GFRA2: variants seen among roughly 807,000 people sequenced by gnomAD.
The protein encoded by GFRA2 is GDNF family receptor alpha-2.
A neutral mutation model predicts 48.3 loss-of-function variants in GFRA2; 17 were observed. The ratio of observed to expected loss-of-function variants is 0.35; its 90% CI spans 0.24 to 0.53. The LOEUF is 0.53. Among genes scored for constraint, GFRA2 ranks in the 20% least tolerant of loss-of-function variants. The pLI is 0.93. For synonymous variants in GFRA2, 305 were observed against 257.2 expected (o/e 1.19, Z -1.78); for missense variants, 660 against 637.3 (o/e 1.04, Z -0.38).
At chr8:21,747,661 C>A in intron 4 of GFRA2, among the ~76,000 whole-genome samples, 1 of 151,806 alleles carries the variant, frequency 6.6e-6, no homozygotes, top group East Asian at 1.9e-4. Flanking sequence ...CGGTCCCTGG[C>A]CCTGGCCCTG....
intron 4 of GFRA2, among the ~76,000 whole-genome samples, chr8:21,713,013 G>C (rs2117406262): frequency 6.6e-6 from 1 of 150,560 alleles, no homozygotes. Context: ...GGGAGAGGGA[G>C]ACGAGGGAGA....
chr8:21,727,372 A>T (rs548967766), intron 4 of GFRA2, among the ~76,000 whole-genome samples: 1 of 152,224 alleles, frequency 6.6e-6, no homozygotes, highest in African/African-American at 2.4e-5. Context: ...GTGTAAGAAC[A>T]GAGGATTGGG....
At position 21,692,041 on chromosome 8, in the gene GFRA2, A is replaced by G. The variant is rs1801901348; in HGVS notation, c.*1237T>C. The G allele has an allele frequency of 6.6e-6, 1 of 152,652 alleles. No individual in the cohort carries two copies. The highest frequency in any genetic ancestry group is 1.5e-5 in the Non-Finnish European group (1 of 68,054). 9.5% of individuals were successfully genotyped at this position (152,652 alleles called of 1,614,324 possible). A position where few individuals can be genotyped will look rare whatever the true frequency, so the allele number is the denominator to read the frequency against. On this transcript the variant is annotated 3_prime_UTR_variant, in exon 9 of 9. Coordinates refer to ENST00000524240, the MANE Select transcript of GFRA2 (RefSeq NM_001495.5). ...GCTTGCTTCCTAGCACGTTTATTGG[A>G]GCCTTGGTTAAGCTTGGATGCGGAT...
Position 21,788,386 on chromosome 8 carries a change from C to G in GFRA2, c.-227G>C. On this transcript the variant is annotated 5_prime_UTR_variant, in exon 1 of 9. Transcript: ENST00000524240. ...TGGGCTGCTGCCTCTCGACGCCCCCCTTGCCCGCTACAATCAAATATACGC... is the reference window on the plus strand; with the variant it reads ...TGGGCTGCTGCCTCTCGACGCCCCCGTTGCCCGCTACAATCAAATATACGC... 7.5e-7 allele frequency: 1 copy of G among 1,336,482 alleles called. No individual in the cohort carries two copies. The allele number at this position is 1,336,482 out of a possible 1,614,324, so 82.8% of individuals were successfully genotyped here.
intron 1 of GFRA2, among the ~76,000 whole-genome samples, chr8:21,784,480 C>T (rs879226172): frequency 2.0e-5 from 3 of 152,202 alleles, no homozygotes; most frequent in African/African-American, 4.8e-5. Context: ...GGCCATCCCC[C>T]GGGAGGCCCT....
intron 3 of GFRA2, among the ~76,000 whole-genome samples, chr8:21,762,340 G>T (rs745396959): frequency 2.0e-5 from 3 of 152,254 alleles, no homozygotes; most frequent in Non-Finnish European, 4.4e-5. Flanking sequence ...GTCAATCAAA[G>T]CCCAAGGATC....
At chr8:21,709,590 T>C (rs192430631) in intron 4 of GFRA2, among the ~76,000 whole-genome samples, 6 of 152,262 alleles carry the variant, frequency 3.9e-5, no homozygotes, top group Non-Finnish European at 7.4e-5. Context: ...GCCGGGGTAG[T>C]GTGCCTGGGG....
At chr8:21,693,733 A>G (rs546453600) in intron 8 of GFRA2, among the ~76,000 whole-genome samples, 5 of 5,808 alleles carry the variant, frequency 8.6e-4, no homozygotes, top group Admixed American at 3.9e-3. Flanking sequence ...CAGATGGTAT[A>G]AAGAGCTGAA....
chr8:21,752,915 C>T (rs374943685), intron 3 of GFRA2, among the ~76,000 whole-genome samples: 3 of 152,174 alleles, frequency 2.0e-5, no homozygotes, highest in East Asian at 1.9e-4. Flanking sequence ...TTCTCACCAC[C>T]GCCACTGCTG....
intron 2 of GFRA2, among the ~76,000 whole-genome samples, chr8:21,801,830 C>G (rs1293264336): frequency 6.6e-6 from 1 of 152,196 alleles, no homozygotes; most frequent in Non-Finnish European, 1.5e-5. Context: ...CAGCCCTCGC[C>G]AAACTGTCCA....
chr8:21,720,551 A>G (rs1803545104), intron 4 of GFRA2, among the ~76,000 whole-genome samples: 1 of 152,062 alleles, frequency 6.6e-6, no homozygotes, highest in African/African-American at 2.4e-5. Flanking sequence ...CCTGATCCCC[A>G]TCCATGATCA....
rs935935020 is a variant in GFRA2 at position 21,775,004 on chromosome 8, G to A, written c.407C>T (p.Ser136Leu). The A allele has an allele frequency of 1.3e-5, 21 of 1,605,134 alleles. No homozygotes were observed. Among genetic ancestry groups the A allele is most frequent in the Middle Eastern group, 1.7e-4 (1 of 6,038 alleles). Residue 136 changes from serine to leucine, a missense_variant, in exon 3 of 9, where the codon TCG becomes TTG. Coordinates refer to ENST00000524240, the MANE Select transcript of GFRA2 (RefSeq NM_001495.5). ...GATTGAAGCAAGCCTGAAGATGTCC[G>A]AGAGGCGGGAGGTCACCGGCTCATA... is the stretch of plus-strand genomic sequence containing the variant. Reference protein sequence around the residue: ...SPYEPVTSRLSDIFRLASIFS... With the variant: ...SPYEPVTSRLLDIFRLASIFS...
intron 2 of GFRA2, among the ~76,000 whole-genome samples, chr8:21,794,959 A>C (rs886461541): frequency 6.6e-6 from 1 of 152,230 alleles, no homozygotes; most frequent in Non-Finnish European, 1.5e-5. Context: ...GATTTCAGTC[A>C]ATGTTCTCAG....
intron 2 of GFRA2, among the ~76,000 whole-genome samples, chr8:21,777,025 T>C (rs1806740461): frequency 6.6e-6 from 1 of 152,216 alleles, no homozygotes; most frequent in Non-Finnish European, 1.5e-5. Flanking sequence ...GAAAGTGCTT[T>C]AGATATAGCT....
At chr8:21,757,141 T>C (rs1805609929) in intron 3 of GFRA2, among the ~76,000 whole-genome samples, 1 of 152,130 alleles carries the variant, frequency 6.6e-6, no homozygotes, top group South Asian at 2.1e-4. Flanking sequence ...CGCAGCCAGC[T>C]GGGGAGCACA....
Position 21,782,847 on chromosome 8 carries a change from G to C in GFRA2, c.93C>G (p.Leu31=). The change falls in exon 2 of 9, where the codon CTC becomes CTG. Residue 31 remains leucine, a synonymous_variant. Coordinates refer to ENST00000524240, the MANE Select transcript of GFRA2 (RefSeq NM_001495.5). ...ASPSSLQGPE[L]HGWRPPVDCV... ...AGTCCACTGGGGGGCGCCAGCCGTG[G>C]AGCTCGGGGCCCTGCAGGGAGGAAG... The C allele has an allele frequency of 1.3e-6, 2 of 1,569,828 alleles. No individual in the cohort carries two copies. Among genetic ancestry groups the C allele is most frequent in the African/African-American group, 1.3e-5 (1 of 74,418 alleles).
chr8:21,809,037 T>C (rs1807927589), intron 1 of GFRA2, among the ~76,000 whole-genome samples: 1 of 152,220 alleles, frequency 6.6e-6, no homozygotes, highest in African/African-American at 2.4e-5. Flanking sequence ...CATTTCCTCC[T>C]TGGGGCCATG....
chr8:21,782,846 G>A lies in GFRA2; in HGVS notation c.94C>T (p.His32Tyr), dbSNP rs1365095698. The change falls in exon 2 of 9, where the codon CAC (histidine) becomes TAC (tyrosine). Residue 32 changes from histidine (H) to tyrosine (Y), a missense_variant. By Grantham distance (83) the His-to-Tyr change is moderately conservative. Transcript: ENST00000524240. ...SPSSLQGPELHGWRPPVDCVR... is the reference protein window; with the variant it reads ...SPSSLQGPELYGWRPPVDCVR... ...CAGTCCACTGGGGGGCGCCAGCCGT[G>A]GAGCTCGGGGCCCTGCAGGGAGGAA... The A allele has an allele frequency of 9.6e-6, 15 of 1,569,454 alleles. No individual in the cohort carries two copies. Among genetic ancestry groups the A allele is most frequent in the African/African-American group, 9.4e-5 (7 of 74,296 alleles).
chr8:21,706,065 T>C (rs1293456140), intron 4 of GFRA2, 24 bp from the exon 5 acceptor site: 32 of 1,466,594 alleles, frequency 2.2e-5, no homozygotes, highest in Non-Finnish European at 2.9e-5. Flanking sequence ...GAAGACGCAA[T>C]AGAGAAAACA....
Sources: gnomAD v4.1 joint callset for allele counts (sites outside exome capture counted in the v4.1 genomes callset) on GRCh38, gnomAD v4.1.1 for gene constraint, MANE v1.5 for transcripts, NCBI Gene and HGNC (gene_info 2026-07-23, HGNC 2026-07-21) for gene names.